The following INSYN2A variants were observed in gnomAD, a reference collection of about 807,000 sequenced individuals.
The protein encoded by INSYN2A is family with sequence similarity 196 member A.
In INSYN2A, 17 loss-of-function variants were observed where a neutral mutation model predicts 39.4. The ratio of observed to expected loss-of-function variants is 0.43; its 90% CI spans 0.30 to 0.65. INSYN2A has a LOEUF of 0.65. Among genes scored for constraint, INSYN2A ranks in the 30% least tolerant of loss-of-function variants. The probability of loss-of-function intolerance (pLI) is 0.14; values close to 1 mark genes in which losing one functional copy is unlikely to be tolerated. For synonymous variants in INSYN2A, 255 were observed against 265.7 expected, an observed-to-expected ratio of 0.96 and a Z score of 0.39; for missense variants, 595 against 631.2, an observed-to-expected ratio of 0.94 and a Z score of 0.61.
chr10:127,138,313 T>A (rs891059375), intron 5 of INSYN2A, among the ~76,000 whole-genome samples: 1 of 152,134 alleles, frequency 6.6e-6, no homozygotes, highest in Non-Finnish European at 1.5e-5. Context: ...GAAATATGAA[T>A]AACCCCATTG....
At position 127,175,355 on chromosome 10, in the gene INSYN2A, T is replaced by C. The variant is rs371719700; in HGVS notation, c.1041A>G (p.Gln347=). ...CCACTTCCGTATGAGGCACGATTCG[T>C]TGGCATTCTTCACCTGCAGCAACCG... ...PTAVAAGEEC[Q]RIVPHTEVVD... The change falls in exon 4 of 6, where the codon CAA becomes CAG. Residue 347 remains glutamine (Q), a synonymous_variant. Coordinates refer to ENST00000522781, the MANE Select transcript of INSYN2A (RefSeq NM_001039762.3). This position sits in a 1 kb window ranked among gnomAD's most constrained non-coding sequence, Gnocchi z 6.3. 2.5e-6 allele frequency: 4 copies of C among 1,614,006 alleles called. No homozygotes were observed. Among genetic ancestry groups the C allele is most frequent in the African/African-American group, 2.7e-5 (2 of 74,916 alleles).
At chr10:127,173,421 A>G (rs2054765309) in intron 4 of INSYN2A, among the ~76,000 whole-genome samples, 1 of 152,114 alleles carries the variant, frequency 6.6e-6, no homozygotes, top group Admixed American at 6.5e-5. Flanking sequence ...ATTTAAAGCA[A>G]TCTTCCATAC....
At chr10:127,153,408 A>G (rs896593848) in intron 5 of INSYN2A, among the ~76,000 whole-genome samples, 5 of 152,152 alleles carry the variant, frequency 3.3e-5, no homozygotes, top group Admixed American at 3.3e-4. Context: ...AGGCAGCACA[A>G]TCCTCGAGAG....
intron 5 of INSYN2A, among the ~76,000 whole-genome samples, chr10:127,142,236 T>C (rs2051331972): frequency 6.6e-6 from 1 of 152,178 alleles, no homozygotes; most frequent in Non-Finnish European, 1.5e-5. Flanking sequence ...AGGGGCTCAT[T>C]CTACAGCCAC....
chr10:127,164,095 G>T (rs2053845135), intron 4 of INSYN2A, among the ~76,000 whole-genome samples: 1 of 150,814 alleles, frequency 6.6e-6, no homozygotes, highest in African/African-American at 2.4e-5. Context: ...GGGACGCAGG[G>T]GTCAGCCGGG....
At chr10:127,138,898 ATCT>A (rs2050956270) in intron 5 of INSYN2A, among the ~76,000 whole-genome samples, 1 of 152,174 alleles carries the variant, frequency 6.6e-6, no homozygotes, top group Non-Finnish European at 1.5e-5. Flanking sequence ...ACCACATTTG[ATCT>A]TCTAACTTGG....
At chr10:127,148,068 G>A (rs2052088307) in intron 5 of INSYN2A, among the ~76,000 whole-genome samples, 1 of 144,936 alleles carries the variant, frequency 6.9e-6, no homozygotes, top group South Asian at 2.2e-4. Flanking sequence ...AATTCCACCT[G>A]TCCTTGACCA....
At chr10:127,138,713 C>T (rs1270003158) in intron 5 of INSYN2A, among the ~76,000 whole-genome samples, 1 of 152,186 alleles carries the variant, frequency 6.6e-6, no homozygotes, top group African/African-American at 2.4e-5. Context: ...ATCACTCAAG[C>T]CATGGCGTGC....
intron 5 of INSYN2A, among the ~76,000 whole-genome samples, chr10:127,147,677 A>ATATT (rs1448962123): frequency 2.6e-5 from 4 of 151,638 alleles, no homozygotes; most frequent in African/African-American, 7.3e-5. Context: ...TTCAATTAAT[A>ATATT]CCCTTTAGGA....
At chr10:127,140,007 C>T (rs1012760260) in intron 5 of INSYN2A, among the ~76,000 whole-genome samples, 12 of 152,242 alleles carry the variant, frequency 7.9e-5, no homozygotes, top group South Asian at 2.1e-4. Context: ...TGTGAATATA[C>T]GGTATGTTAG....
rs769662326 is a variant in INSYN2A, at chr10:127,175,219, G to A, written c.1177C>T (p.Arg393Trp). ...IQELEKGEAHREGLSYRTGQD... is the reference protein window; with the variant it reads ...IQELEKGEAHWEGLSYRTGQD... The stretch of plus-strand genomic sequence containing the variant: ...ATGGGTGAACATACATACCCTTCCC[G>A]ATGGGCCTCTCCTTTTTCCAACTCC... Residue 393 changes from arginine (R) to tryptophan (W), a missense_variant, in exon 4 of 6, where the codon CGG becomes TGG. Arg to Trp is a moderately radical substitution (Grantham distance 101). Transcript: ENST00000522781. This position sits in a 1 kb window ranked among gnomAD's most constrained non-coding sequence, Gnocchi z 6.3. The A allele has an allele frequency of 5.0e-6, 8 of 1,612,164 alleles. No homozygotes were observed. Among genetic ancestry groups the A allele is most frequent in the South Asian group, 4.4e-5 (4 of 90,722 alleles).
chr10:127,146,673 A>G (rs2051888431), intron 5 of INSYN2A, among the ~76,000 whole-genome samples: 2 of 152,162 alleles, frequency 1.3e-5, no homozygotes, highest in South Asian at 4.1e-4. Flanking sequence ...CAAAAGGCGA[A>G]TTTCCCCCAC....
chr10:127,175,067 C>A lies in INSYN2A; in HGVS notation c.1184+145G>T. 2.9e-6 allele frequency: 2 copies of A among 701,108 alleles called. No individual in the cohort carries two copies. Among genetic ancestry groups the A allele is most frequent in the Admixed American group, 2.6e-5 (1 of 39,138 alleles). The allele number at this position is 701,108 out of a possible 1,614,324, so 43.4% of individuals were successfully genotyped here. On this transcript the variant is annotated intron_variant, in intron 4 of 5. Coordinates refer to ENST00000522781, the MANE Select transcript of INSYN2A (RefSeq NM_001039762.3). This position sits in a 1 kb window ranked among gnomAD's most constrained non-coding sequence, Gnocchi z 6.3. ...AGTATCATAAAATAATCTGCGACCC[C>A]TTGGAGCTCGCCACGCCCTTAGACT...
chr10:127,158,954 G>C (rs74870075), intron 4 of INSYN2A, among the ~76,000 whole-genome samples: 12,237 of 152,118 alleles, frequency 0.08, 1,389 homozygotes, highest in African/African-American at 0.25. Flanking sequence ...CTAGAACTGG[G>C]TTTTATCCCA....
chr10:127,162,564 C>G (rs917003582), intron 4 of INSYN2A, among the ~76,000 whole-genome samples: 2 of 152,170 alleles, frequency 1.3e-5, no homozygotes, highest in African/African-American at 4.8e-5. Context: ...GGGCAAAGTT[C>G]TCAGAATCAC....
intron 4 of INSYN2A, among the ~76,000 whole-genome samples, chr10:127,165,481 T>C (rs144868242): frequency 6.6e-6 from 1 of 152,368 alleles, no homozygotes; most frequent in Non-Finnish European, 1.5e-5. Context: ...GAAAAAACTT[T>C]ACTGCCTTTT....
At chr10:127,162,969 C>T (rs1394503072) in intron 4 of INSYN2A, among the ~76,000 whole-genome samples, 1 of 152,196 alleles carries the variant, frequency 6.6e-6, no homozygotes, top group Non-Finnish European at 1.5e-5. Context: ...AACAGTAGCA[C>T]TCCTTCCATG....
rs2050730874 is a variant in INSYN2A, at chr10:127,136,693, T to C, written c.*1144A>G. On this transcript the variant is annotated 3_prime_UTR_variant, in exon 6 of 6. Coordinates refer to ENST00000522781, the MANE Select transcript of INSYN2A (RefSeq NM_001039762.3). ...TAAGTGTTACTGTTGATTTAAAAAA[T>C]ACCTAAAAACATTTGATTCACAGCT... The C allele has an allele frequency of 1.3e-5, 2 of 152,628 alleles. No individual in the cohort carries two copies. Among genetic ancestry groups the C allele is most frequent in the African/African-American group, 4.8e-5 (2 of 41,462 alleles). The allele number at this position is 152,628 out of a possible 1,614,324, so 9.5% of individuals were successfully genotyped here. A position where few individuals can be genotyped will look rare whatever the true frequency, so the allele number is the denominator to read the frequency against.
intron 4 of INSYN2A, among the ~76,000 whole-genome samples, chr10:127,173,447 T>G (rs1476172997): frequency 1.3e-5 from 2 of 152,102 alleles, no homozygotes; most frequent in Non-Finnish European, 2.9e-5. Flanking sequence ...CTAAGAGGAG[T>G]GTAAGAAGGC....
Sources: gnomAD v4.1 joint callset for allele counts (sites outside exome capture counted in the v4.1 genomes callset) on GRCh38, gnomAD v4.1.1 for gene constraint, Gnocchi (gnomAD v3.1) non-coding constraint, MANE v1.5 for transcripts, NCBI Gene and HGNC (gene_info 2026-07-23, HGNC 2026-07-21) for gene names.